CAMTA1: variants seen among roughly 807,000 people sequenced by gnomAD.
The protein encoded by CAMTA1 is calmodulin-binding transcription activator 1.
Under a neutral mutation model 170.9 loss-of-function variants are expected in CAMTA1, and 27 were observed. The ratio of observed to expected loss-of-function variants is 0.16; its 90% CI spans 0.12 to 0.22. The LOEUF (loss-of-function observed/expected upper bound fraction) is 0.22. CAMTA1 is among the 10% of genes least tolerant of loss of function. The pLI, the probability that CAMTA1 is intolerant of heterozygous loss-of-function variation, is 1.00. For missense variants in CAMTA1, 1,619 were observed against 2,217.2 expected, an observed-to-expected ratio of 0.73 and a Z score of 5.42; for synonymous variants, 833 against 891.5, an observed-to-expected ratio of 0.93 and a Z score of 1.17.
chr1:7,342,566 GC>G (rs1175175288), intron 5 of CAMTA1, among the ~76,000 whole-genome samples: 3 of 152,184 alleles, frequency 2.0e-5, no homozygotes, highest in Admixed American at 6.5e-5. Context: ...GCCCATGGTG[GC>G]CCTTGAAGAG....
In CAMTA1 at chr1:6,785,492, A is replaced by G. The variant is rs1242312730; in HGVS notation, c.-39A>G. On this transcript the variant is annotated 5_prime_UTR_variant, in exon 1 of 23. Transcript: ENST00000303635. The stretch of plus-strand genomic sequence containing the variant: ...CTGGGCCGGCGGCGGCGGCGGTACG[A>G]GGCGCGCGCTCGGGGTCCCGGTCGC... 2.0e-6 allele frequency: 2 copies of G among 1,017,582 alleles called. No homozygotes were observed. Among genetic ancestry groups the G allele is most frequent in the Non-Finnish European group, 1.2e-6 (1 of 847,072 alleles). 63.0% of individuals were successfully genotyped at this position (1,017,582 alleles called of 1,614,324 possible). A position where few individuals can be genotyped will look rare whatever the true frequency, so the allele number is the denominator to read the frequency against.
intron 5 of CAMTA1, among the ~76,000 whole-genome samples, chr1:7,262,502 C>T (rs139577887): frequency 0.042 from 6,450 of 152,236 alleles, 420 homozygotes; most frequent in African/African-American, 0.14. Context: ...GCAGAGGTTG[C>T]AGTGAGCCGA....
At chr1:7,009,363 C>T (rs1026233760) in intron 3 of CAMTA1, among the ~76,000 whole-genome samples, 33 of 152,224 alleles carry the variant, frequency 2.2e-4, no homozygotes, top group Non-Finnish European at 3.7e-4. Flanking sequence ...GCAGGAAACC[C>T]GGGTCTGTGT....
At chr1:7,497,406 C>T (rs2093847190) in intron 6 of CAMTA1, among the ~76,000 whole-genome samples, 1 of 152,198 alleles carries the variant, frequency 6.6e-6, no homozygotes, top group South Asian at 2.1e-4. Context: ...GGCTGAAATC[C>T]ACCCTGGCTC....
chr1:7,712,231 A>C (rs1161188683), intron 11 of CAMTA1, among the ~76,000 whole-genome samples: 1 of 152,208 alleles, frequency 6.6e-6, no homozygotes, highest in Non-Finnish European at 1.5e-5. Flanking sequence ...CTGAAAATAC[A>C]GTCTAGTTCT....
At chr1:6,923,526 G>A (rs959609468) in intron 3 of CAMTA1, among the ~76,000 whole-genome samples, 10 of 152,158 alleles carry the variant, frequency 6.6e-5, no homozygotes, top group African/African-American at 1.7e-4. Flanking sequence ...GCTCAGTGCC[G>A]GCAGCCCTCC....
chr1:7,663,098 A>G (rs1374843061), intron 8 of CAMTA1, among the ~76,000 whole-genome samples: 2 of 152,190 alleles, frequency 1.3e-5, no homozygotes, highest in African/African-American at 4.8e-5. Context: ...TGAAAAGAGC[A>G]TCAAGGCCAA....
intron 3 of CAMTA1, among the ~76,000 whole-genome samples, chr1:7,013,903 A>G (rs556820097): frequency 4.6e-5 from 7 of 152,318 alleles, no homozygotes; most frequent in African/African-American, 1.7e-4. Context: ...CCCAACGACA[A>G]GCAGCCAGCT....
chr1:7,534,914 A>T lies in CAMTA1; in HGVS notation c.510+67013A>T, dbSNP rs1424370922. Among the ~76,000 whole-genome samples the T allele has an allele frequency of 6.6e-6, 1 of 151,924 alleles. No homozygotes were observed. Among genetic ancestry groups the T allele is most frequent in the African/African-American group, 2.4e-5 (1 of 41,376 alleles). On this transcript the variant is annotated intron_variant, in intron 6 of 22. Coordinates refer to ENST00000303635, the MANE Select transcript of CAMTA1 (RefSeq NM_015215.4). The surrounding 1 kb of genome is among the most constrained non-coding windows in gnomAD (Gnocchi z 5.6). Reference sequence around the variant, plus strand: ...TGACTCTGTCTCGATTTTGAAAAAGATGCAGAAAGAAGGAAAGAAAGTGGA... The same window carrying T: ...TGACTCTGTCTCGATTTTGAAAAAGTTGCAGAAAGAAGGAAAGAAAGTGGA...
At chr1:7,377,547 G>A (rs1362149154) in intron 5 of CAMTA1, among the ~76,000 whole-genome samples, 1 of 152,222 alleles carries the variant, frequency 6.6e-6, no homozygotes, top group Non-Finnish European at 1.5e-5. Flanking sequence ...CTCTGGATCT[G>A]TTTAGGTCCT....
chr1:7,616,932 T>G (rs2095562782), intron 6 of CAMTA1, among the ~76,000 whole-genome samples: 1 of 152,212 alleles, frequency 6.6e-6, no homozygotes, highest in African/African-American at 2.4e-5. Context: ...ATAAGGCTGT[T>G]TATTATAAAT....
At chr1:7,017,779 C>G (rs1245060314) in intron 3 of CAMTA1, among the ~76,000 whole-genome samples, 1 of 152,164 alleles carries the variant, frequency 6.6e-6, no homozygotes, top group Non-Finnish European at 1.5e-5. Flanking sequence ...GGGTGGTGCC[C>G]AAGCCTGACC....
At position 7,084,414 on chromosome 1, in the gene CAMTA1, C is replaced by A. The variant is rs552110422; in HGVS notation, c.235-6890C>A. Among the ~76,000 whole-genome samples the A allele has an allele frequency of 1.4e-4, 21 of 152,262 alleles. No individual in the cohort carries two copies. In the South Asian group the frequency reaches 3.9e-3, roughly 29 times the overall value. On this transcript the variant is annotated intron_variant, in intron 3 of 22. Transcript: ENST00000303635. ...CCTTCTATGGGGTTGAGACAAAGCA[C>A]AGCCTGCAGTGCATAGCTCCTTCTG...
chr1:7,454,484 C>T (rs570570949), intron 5 of CAMTA1, among the ~76,000 whole-genome samples: 17 of 152,332 alleles, frequency 1.1e-4, no homozygotes, highest in African/African-American at 3.4e-4. Flanking sequence ...GATTCAGTGT[C>T]GCGGCCACTG....
intron 5 of CAMTA1, among the ~76,000 whole-genome samples, chr1:7,277,479 G>GTGTGTA (rs1670896131): frequency 1.3e-5 from 2 of 148,626 alleles, no homozygotes; most frequent in Admixed American, 1.3e-4. Flanking sequence ...GTGTGTGTGT[G>GTGTGTA]TGTGTGTGTG....
intron 5 of CAMTA1, among the ~76,000 whole-genome samples, chr1:7,320,642 T>A (rs1171204983): frequency 7.9e-6 from 1 of 125,938 alleles, no homozygotes; most frequent in Non-Finnish European, 1.8e-5. Context: ...TGGGCTGTGC[T>A]GTGTGTGTTT....
At chr1:7,591,138 C>T (rs768310556) in intron 6 of CAMTA1, among the ~76,000 whole-genome samples, 10 of 152,088 alleles carry the variant, frequency 6.6e-5, no homozygotes, top group East Asian at 1.9e-4. Context: ...AGTTCCCGGG[C>T]GCTGCAGCAA....
intron 3 of CAMTA1, among the ~76,000 whole-genome samples, chr1:6,840,727 G>T (rs1655322353): frequency 6.6e-6 from 1 of 152,178 alleles, no homozygotes; most frequent in Non-Finnish European, 1.5e-5. Context: ...CTGGGATGCA[G>T]AAGATAGATG....
At chr1:7,669,319 AG>A (rs1377871894) in intron 9 of CAMTA1, among the ~76,000 whole-genome samples, 5 of 152,172 alleles carry the variant, frequency 3.3e-5, no homozygotes, top group Admixed American at 2.0e-4. Context: ...GGGCAATGGG[AG>A]GAGCTACTTC....
Sources: allele counts gnomAD v4.1 joint callset (sites outside exome capture counted in the v4.1 genomes callset), GRCh38; gene constraint gnomAD v4.1.1; non-coding constraint Gnocchi (gnomAD v3.1); transcripts MANE v1.5; gene names NCBI Gene and HGNC (gene_info 2026-07-23, HGNC 2026-07-21).